PTPN14: variants seen among roughly 807,000 people sequenced by gnomAD.
The protein encoded by PTPN14 is protein tyrosine phosphatase non-receptor type 14.
A neutral mutation model predicts 126.8 loss-of-function variants in PTPN14; 53 were observed. The ratio of observed to expected loss-of-function variants is 0.42; its 90% CI spans 0.34 to 0.53. The LOEUF (loss-of-function observed/expected upper bound fraction) is 0.53. Ranked by LOEUF, PTPN14 falls within the 20% of genes least tolerant of loss-of-function variation. The pLI, the probability that PTPN14 is intolerant of heterozygous loss-of-function variation, is 0.08. For synonymous variants in PTPN14, 630 were observed against 599.3 expected (o/e 1.05, Z -0.75); for missense variants, 1,257 against 1,552.9 (o/e 0.81, Z 3.20).
intron 1 of PTPN14, among the ~76,000 whole-genome samples, chr1:214,541,432 C>A (rs551936655): frequency 1.3e-5 from 2 of 152,122 alleles, no homozygotes; most frequent in Non-Finnish European, 2.9e-5. Flanking sequence ...TGTGTTCACA[C>A]CTGATCTCAC....
chr1:214,466,485 T>A (rs1459502573), intron 1 of PTPN14, among the ~76,000 whole-genome samples: 1 of 152,210 alleles, frequency 6.6e-6, no homozygotes, highest in Non-Finnish European at 1.5e-5. Flanking sequence ...GACACCCTGA[T>A]GTCCCACCAA....
intron 1 of PTPN14, among the ~76,000 whole-genome samples, chr1:214,513,678 A>G (rs1313075332): frequency 6.6e-6 from 1 of 152,078 alleles, no homozygotes; most frequent in Non-Finnish European, 1.5e-5. Context: ...GTCAGATTTC[A>G]CAAAGTTCGA....
intron 11 of PTPN14, among the ~76,000 whole-genome samples, chr1:214,389,162 G>A (rs926987015): frequency 6.6e-6 from 1 of 152,144 alleles, no homozygotes; most frequent in Non-Finnish European, 1.5e-5. Context: ...AAACACAGTG[G>A]GGAGGGATTT....
In PTPN14 at chr1:214,353,661, A is replaced by G. The variant is rs1255273872; in HGVS notation, c.*4261T>C. On this transcript the variant is annotated 3_prime_UTR_variant, in exon 19 of 19. Transcript: ENST00000366956. ...CAGCAGCTAAAAACTCCAGAGTGAT[A>G]TGCCTGATGGCCAATCCGGCTTAAG... 6.6e-6 allele frequency: 1 copy of G among 152,248 alleles called. No homozygotes were observed. The highest frequency in any genetic ancestry group is 1.5e-5 in the Non-Finnish European group (1 of 68,054). The allele number at this position is 152,248 out of a possible 1,614,324, so 9.4% of individuals were successfully genotyped here.
chr1:214,402,846 G>T (rs1217807925), intron 6 of PTPN14, 37 bp downstream of exon 6: 1 of 1,603,920 alleles, frequency 6.2e-7, no homozygotes, highest in Non-Finnish European at 8.5e-7. Context: ...GTAAACATCT[G>T]TTGTGCAGGC....
At chr1:214,375,329 A>C (rs1658320876) in intron 15 of PTPN14, among the ~76,000 whole-genome samples, 1 of 152,226 alleles carries the variant, frequency 6.6e-6, no homozygotes, top group Admixed American at 6.5e-5. Context: ...AAGTAATTCT[A>C]GACAAGGCCG....
intron 3 of PTPN14, among the ~76,000 whole-genome samples, chr1:214,416,907 T>G (rs1659439837): frequency 6.6e-6 from 1 of 152,172 alleles, no homozygotes; most frequent in South Asian, 2.1e-4. Flanking sequence ...TTATTTCTCA[T>G]TAGCGATTCA....
chr1:214,373,104 G>T (rs1275198842), intron 15 of PTPN14, among the ~76,000 whole-genome samples: 1 of 152,160 alleles, frequency 6.6e-6, no homozygotes, highest in Non-Finnish European at 1.5e-5. Context: ...GCTTAGGCGG[G>T]AGTACAGTGG....
chr1:214,483,795 T>C (rs1461072571), intron 1 of PTPN14, among the ~76,000 whole-genome samples: 3 of 152,220 alleles, frequency 2.0e-5, no homozygotes, highest in Non-Finnish European at 4.4e-5. Flanking sequence ...CTCCCTTAAC[T>C]CTAAATTCTC....
At chr1:214,475,643 C>T (rs1293937011) in intron 1 of PTPN14, among the ~76,000 whole-genome samples, 1 of 152,092 alleles carries the variant, frequency 6.6e-6, no homozygotes, top group Non-Finnish European at 1.5e-5. Flanking sequence ...GCTTATTACA[C>T]CTAAAAATCA....
Position 214,353,175 on chromosome 1 carries a change from C to G in PTPN14, c.*4747G>C. ...AATAGTTGTCCTTTACCAAAGGGGG[C>G]AATCAAGGACCCTCTGAGAATACCA... On this transcript the variant is annotated 3_prime_UTR_variant, in exon 19 of 19. Coordinates refer to ENST00000366956, the MANE Select transcript of PTPN14 (RefSeq NM_005401.5). 1 of 152,002 alleles carries G rather than the reference C, an allele frequency of 6.6e-6. No homozygotes were observed. The highest frequency in any genetic ancestry group is 1.9e-4 in the East Asian group (1 of 5,194). The allele number at this position is 152,002 out of a possible 1,614,324, so 9.4% of individuals were successfully genotyped here.
Position 214,384,135 on chromosome 1 carries a change from G to C in PTPN14, c.1720C>G (p.Arg574Gly). The C allele has an allele frequency of 6.4e-7, 1 of 1,574,748 alleles. No homozygotes were observed. Among genetic ancestry groups the C allele is most frequent in the Non-Finnish European group, 8.6e-7 (1 of 1,163,038 alleles). ...AGGTCTGGGGTGCTGGTGGCAGGTC[G>C]TGGCCGTGGGTAGGGGGGCGGTGGC... is the stretch of plus-strand genomic sequence containing the variant. ...FRPPPPYPRP[R>G]PATSTPDLAS... is the part of the protein sequence containing the mutation. The change falls in exon 13 of 19, where the codon CGA (arginine) becomes GGA (glycine). Residue 574 changes from arginine to glycine, a missense_variant. By Grantham distance (125) the Arg-to-Gly change is moderately radical. Around this residue, in one of 3 missense-constraint regions of PTPN14, gnomAD observed 1,021 missense variants for 1,183.3 expected, o/e 0.86. Transcript: ENST00000366956. This position sits in a 1 kb window ranked among gnomAD's most constrained non-coding sequence, Gnocchi z 5.3.
intron 1 of PTPN14, among the ~76,000 whole-genome samples, chr1:214,498,857 G>A (rs2102427863): frequency 6.6e-6 from 1 of 152,222 alleles, no homozygotes; most frequent in South Asian, 2.1e-4. Context: ...TGCCCAAGCT[G>A]GAGTACAGTG....
chr1:214,512,028 T>C (rs1461066629), intron 1 of PTPN14, among the ~76,000 whole-genome samples: 4 of 152,310 alleles, frequency 2.6e-5, no homozygotes, highest in Non-Finnish European at 4.4e-5. Flanking sequence ...GGGGAAAGGC[T>C]GCATCTCCCA....
At position 214,383,532 on chromosome 1, in the gene PTPN14, T is replaced by C; in HGVS notation, c.2323A>G (p.Met775Val). Reference protein sequence around the residue: ...RQDQASLPPAMARARVLRHGP... With the variant: ...RQDQASLPPAVARARVLRHGP... ...TGCCTCAGCACCCTGGCTCTGGCCA[T>C]GGCGGGAGGAAGGCTGGCTTGGTCC... is the stretch of plus-strand genomic sequence containing the variant. Residue 775 changes from methionine (M) to valine (V), a missense_variant, in exon 13 of 19, where the codon ATG becomes GTG. Coordinates refer to ENST00000366956, the MANE Select transcript of PTPN14 (RefSeq NM_005401.5). This position sits in a 1 kb window ranked among gnomAD's most constrained non-coding sequence, Gnocchi z 4.4. 4.3e-6 allele frequency: 7 copies of C among 1,613,998 alleles called. No homozygotes were observed. The highest frequency in any genetic ancestry group is 5.9e-6 in the Non-Finnish European group (7 of 1,179,932).
At chr1:214,545,331 G>A (rs938387614) in intron 1 of PTPN14, among the ~76,000 whole-genome samples, 2 of 152,054 alleles carry the variant, frequency 1.3e-5, no homozygotes, top group Admixed American at 1.3e-4. Context: ...ATTTGGCCAG[G>A]GTCATCCTAT....
At chr1:214,411,657 A>G in intron 5 of PTPN14, 27 bp downstream of exon 5, 1 of 1,417,346 alleles carries the variant, frequency 7.1e-7, no homozygotes, top group Non-Finnish European at 9.7e-7. Context: ...GTAGAAAATT[A>G]ATTAAGAAAA....
intron 3 of PTPN14, among the ~76,000 whole-genome samples, chr1:214,446,868 T>C (rs1280705026): frequency 2.0e-5 from 3 of 152,166 alleles, no homozygotes; most frequent in South Asian, 2.1e-4. Context: ...ATTGCAAACA[T>C]GTGTTGGATG....
intron 3 of PTPN14, among the ~76,000 whole-genome samples, chr1:214,450,943 T>G (rs6698007): frequency 0.56 from 85,581 of 151,968 alleles, 25,933 homozygotes; most frequent in African/African-American, 0.8. Context: ...TGCAATACCT[T>G]GTTCTCCTCT....
Sources: gnomAD v4.1 joint callset for allele counts (sites outside exome capture counted in the v4.1 genomes callset) on GRCh38, gnomAD v4.1.1 for gene constraint, gnomAD v4.1.1 regional missense constraint, Gnocchi (gnomAD v3.1) non-coding constraint, MANE v1.5 for transcripts, NCBI Gene and HGNC (gene_info 2026-07-23, HGNC 2026-07-21) for gene names.